KCNIP4: variants seen among roughly 807,000 people sequenced by gnomAD.
The protein encoded by KCNIP4 is potassium voltage-gated channel interacting protein 4.
Under a neutral mutation model 34.0 loss-of-function variants are expected in KCNIP4, and 12 were observed. That is an observed-to-expected ratio of 0.35 (90% CI 0.23 to 0.57). The LOEUF is 0.57. Ranked by LOEUF, KCNIP4 falls within the 20% of genes least tolerant of loss-of-function variation. The pLI is 0.83. For missense variants in KCNIP4, 238 were observed against 311.7 expected, an observed-to-expected ratio of 0.76 and a Z score of 1.78; for synonymous variants, 124 against 102.2, an observed-to-expected ratio of 1.21 and a Z score of -1.29.
chr4:21,851,391 C>T (rs867512075), intron 1 of KCNIP4: 1 of 152,074 alleles, frequency 6.6e-6, no homozygotes, highest in Non-Finnish European at 1.5e-5. Flanking sequence ...GTGGAACAAT[C>T]ACACTAGAGA....
At chr4:21,835,043 T>C (rs1443546150) in intron 1 of KCNIP4, among the ~76,000 whole-genome samples, 1 of 152,166 alleles carries the variant, frequency 6.6e-6, no homozygotes, top group East Asian at 1.9e-4. Context: ...AGGATATTGG[T>C]CTAAAATTCT....
chr4:21,763,804 A>G (rs1414666733), intron 1 of KCNIP4, among the ~76,000 whole-genome samples: 1 of 152,164 alleles, frequency 6.6e-6, no homozygotes, highest in Non-Finnish European at 1.5e-5. Flanking sequence ...TGAAAAATGA[A>G]TGTGACAAAA....
intron 1 of KCNIP4, among the ~76,000 whole-genome samples, chr4:21,131,065 A>C (rs1304371231): frequency 6.6e-6 from 1 of 152,170 alleles, no homozygotes; most frequent in Non-Finnish European, 1.5e-5. Flanking sequence ...AGGTCAGGGA[A>C]CGTATTTCTG....
intron 1 of KCNIP4, among the ~76,000 whole-genome samples, chr4:21,457,519 G>A (rs1017903473): frequency 1.3e-5 from 2 of 152,036 alleles, no homozygotes; most frequent in Non-Finnish European, 2.9e-5. Context: ...AATCAGAAAT[G>A]TCTTCCTCTT....
At chr4:21,325,957 ATGATACT>A (rs1332929798) in intron 1 of KCNIP4, among the ~76,000 whole-genome samples, 1 of 151,870 alleles carries the variant, frequency 6.6e-6, no homozygotes, top group Non-Finnish European at 1.5e-5. Flanking sequence ...GTGGTCAAAG[ATGATACT>A]TGATATAATT....
At chr4:21,714,836 T>C (rs368390200) in intron 1 of KCNIP4, among the ~76,000 whole-genome samples, 1,697 of 3,004 alleles carry the variant, frequency 0.56, 293 homozygotes, top group Admixed American at 0.58. Context: ...TTTATTTTAT[T>C]TTATTTTATT....
At chr4:21,727,319 C>A (rs576337652) in intron 1 of KCNIP4, among the ~76,000 whole-genome samples, 38 of 152,110 alleles carry the variant, frequency 2.5e-4, no homozygotes, top group Non-Finnish European at 4.3e-4. Flanking sequence ...CATGTGAGGA[C>A]ACAGTCTTCA....
At chr4:21,395,809 T>C (rs1722938092) in intron 1 of KCNIP4, among the ~76,000 whole-genome samples, 1 of 152,106 alleles carries the variant, frequency 6.6e-6, no homozygotes, top group African/African-American at 2.4e-5. Flanking sequence ...TAAGGTAATC[T>C]TCAAAACAAC....
At chr4:21,696,630 C>G (rs746243165) in intron 1 of KCNIP4, among the ~76,000 whole-genome samples, 1 of 152,070 alleles carries the variant, frequency 6.6e-6, no homozygotes, top group Non-Finnish European at 1.5e-5. Flanking sequence ...AATTTAATGA[C>G]GGCATTGCCT....
At chr4:21,023,781 T>C (rs1490006303) in intron 1 of KCNIP4, among the ~76,000 whole-genome samples, 1 of 151,272 alleles carries the variant, frequency 6.6e-6, no homozygotes, top group East Asian at 2.0e-4. Flanking sequence ...ACTCAGGAGG[T>C]TAAGGTAGGA....
At chr4:21,295,285 T>A (rs1763771704) in intron 1 of KCNIP4, among the ~76,000 whole-genome samples, 1 of 152,148 alleles carries the variant, frequency 6.6e-6, no homozygotes, top group African/African-American at 2.4e-5. Context: ...GTTGAATCCA[T>A]GCCCTGGTGG....
chr4:21,751,413 A>T (rs1717143432), intron 1 of KCNIP4, among the ~76,000 whole-genome samples: 1 of 152,148 alleles, frequency 6.6e-6, no homozygotes, highest in African/African-American at 2.4e-5. Context: ...GTATATACAC[A>T]TTCTTATCAT....
chr4:20,879,689 A>T (rs1057052260), intron 2 of KCNIP4, among the ~76,000 whole-genome samples: 1 of 152,196 alleles, frequency 6.6e-6, no homozygotes, highest in African/African-American at 2.4e-5. Context: ...TGACTATAAA[A>T]GGTATATAAT....
intron 1 of KCNIP4, among the ~76,000 whole-genome samples, chr4:21,387,088 C>A (rs1455101895): frequency 6.6e-6 from 1 of 152,128 alleles, no homozygotes; most frequent in Non-Finnish European, 1.5e-5. Context: ...AGACTTAGAA[C>A]ATGTTATCTT....
chr4:21,718,456 G>GT (rs1315389891), intron 1 of KCNIP4: 1 of 150,608 alleles, frequency 6.6e-6, no homozygotes, highest in Non-Finnish European at 1.5e-5. Context: ...GGTTTTTTTT[G>GT]TTTTTTGTTT....
rs568788668 is a variant in KCNIP4 at position 21,562,457 on chromosome 4, G to A, written c.61+386114C>T. On this transcript the variant is annotated intron_variant, in intron 1 of 8. Transcript: ENST00000382152. The stretch of plus-strand genomic sequence containing the variant: ...CCCTTCACCTCTTTCTGGATAGCTT[G>A]TGGGAATCACTTTTAACTATGCTAA... Among the ~76,000 whole-genome samples the A allele has an allele frequency of 1.1e-4, 16 of 152,154 alleles. No individual in the cohort carries two copies. The South Asian group carries it at 3.1e-3, about 30-fold the overall frequency.
intron 1 of KCNIP4, among the ~76,000 whole-genome samples, chr4:20,939,807 C>G (rs1239066370): frequency 6.6e-6 from 1 of 152,158 alleles, no homozygotes; most frequent in Non-Finnish European, 1.5e-5. Flanking sequence ...AACAAATCAC[C>G]AAATACTGCA....
intron 1 of KCNIP4, among the ~76,000 whole-genome samples, chr4:21,300,967 T>C (rs890093397): frequency 5.3e-5 from 8 of 151,964 alleles, no homozygotes; most frequent in Non-Finnish European, 1.2e-4. Flanking sequence ...AGCAAGAGAG[T>C]AGCAGAGGAG....
At chr4:21,031,222 G>T (rs577692611) in intron 1 of KCNIP4, among the ~76,000 whole-genome samples, 3 of 152,044 alleles carry the variant, frequency 2.0e-5, no homozygotes, top group Non-Finnish European at 4.4e-5. Context: ...TTGCACCTAC[G>T]TGCTTGTCAT....
Sources: gnomAD v4.1 joint callset for allele counts (sites outside exome capture counted in the v4.1 genomes callset) on GRCh38, gnomAD v4.1.1 for gene constraint, MANE v1.5 for transcripts, NCBI Gene and HGNC (gene_info 2026-07-23, HGNC 2026-07-21) for gene names.